CFAP221: variants seen among roughly 807,000 people sequenced by gnomAD.
CFAP221 encodes cilia and flagella associated protein 221, also known as cilia- and flagella-associated protein 221.
CFAP221 carries 97 observed loss-of-function variants against 113.1 expected under a neutral mutation model. The ratio of observed to expected loss-of-function variants is 0.86; its 90% CI spans 0.73 to 1.02. CFAP221 has a LOEUF of 1.02. Among genes scored for constraint, CFAP221 ranks in the 50% least tolerant of loss-of-function variants. The pLI is 0.00. For synonymous variants in CFAP221, 331 were observed against 354.4 expected (o/e 0.93, Z 0.74); for missense variants, 1,025 against 1,013.4 (o/e 1.01, Z -0.16).
At chr2:119,657,888 T>C (rs1368387666), downstream of CFAP221, among the ~76,000 whole-genome samples, 1 of 152,242 alleles carries the variant, frequency 6.6e-6, no homozygotes, top group Non-Finnish European at 1.5e-5. Flanking sequence ...TATGTCCTTC[T>C]TGGTGCATCT....
intron 22 of CFAP221, chr2:119,648,546 T>C: frequency 5.0e-6 from 1 of 198,694 alleles, no homozygotes; most frequent in Non-Finnish European, 1.2e-5. Flanking sequence ...TTAGGAAGAC[T>C]CTTGGTCCCA....
At chr2:119,649,765 G>A (rs184137706) in intron 22 of CFAP221, among the ~76,000 whole-genome samples, 1 of 152,274 alleles carries the variant, frequency 6.6e-6, no homozygotes, top group Admixed American at 6.5e-5. Context: ...CAAGGACACA[G>A]CCCTGTTGTT....
intron 21 of CFAP221, among the ~76,000 whole-genome samples, chr2:119,646,390 C>T (rs543091767): frequency 6.6e-6 from 1 of 152,134 alleles, no homozygotes; most frequent in Non-Finnish European, 1.5e-5. Context: ...ACAATCATGG[C>T]GGAAGGCAAA....
intron 3 of CFAP221, among the ~76,000 whole-genome samples, chr2:119,559,473 A>T (rs973747940): frequency 6.6e-6 from 1 of 151,902 alleles, no homozygotes; most frequent in East Asian, 1.9e-4. Context: ...CCTAAGGGGG[A>T]AAGTGGGGAC....
intron 12 of CFAP221, 119 bp downstream of exon 12, chr2:119,608,708 C>A: frequency 1.3e-6 from 1 of 797,628 alleles, no homozygotes. Flanking sequence ...GAAAGGCTGA[C>A]GACAAGTAAA....
intron 6 of CFAP221, among the ~76,000 whole-genome samples, chr2:119,584,023 GA>G (rs1310486025): frequency 1.3e-5 from 2 of 152,028 alleles, no homozygotes; most frequent in East Asian, 3.8e-4. Context: ...AACACCTAGG[GA>G]AAAACTTAAC....
intron 21 of CFAP221, 28 bp downstream of exon 21, chr2:119,639,900 G>A (rs1475682317): frequency 7.0e-6 from 11 of 1,564,262 alleles, no homozygotes; most frequent in East Asian, 2.2e-5. Flanking sequence ...GTTTGCTCAC[G>A]AGTATGTGTG....
chr2:119,579,080 G>T (rs6725558), intron 6 of CFAP221, among the ~76,000 whole-genome samples: 28,631 of 151,882 alleles, frequency 0.19, 2,880 homozygotes, highest in African/African-American at 0.25. Context: ...TCAAATAAGG[G>T]ATAATTATTT....
chr2:119,649,361 G>T (rs1158134248), intron 22 of CFAP221, among the ~76,000 whole-genome samples: 7 of 152,150 alleles, frequency 4.6e-5, no homozygotes, highest in African/African-American at 1.7e-4. Flanking sequence ...TTCAACTCAC[G>T]ATATTTACAA....
downstream of CFAP221, among the ~76,000 whole-genome samples, chr2:119,659,061 T>C (rs2104830673): frequency 1.3e-5 from 2 of 151,506 alleles, 1 homozygote; most frequent in East Asian, 3.9e-4. Flanking sequence ...GTCCAACACC[T>C]GGGGTTTGTT....
intron 19 of CFAP221, among the ~76,000 whole-genome samples, chr2:119,632,701 CAA>C (rs34915791): frequency 2.2e-3 from 244 of 109,620 alleles, no homozygotes; most frequent in African/African-American, 2.7e-3. Flanking sequence ...TCTTTATTTA[CAA>C]AAAAAAAAAA....
chr2:119,564,774 T>C (rs548604896), intron 6 of CFAP221, among the ~76,000 whole-genome samples: 1 of 152,234 alleles, frequency 6.6e-6, no homozygotes, highest in Admixed American at 6.5e-5. Flanking sequence ...CCACTGCTGA[T>C]GGACCGATGG....
chr2:119,638,708 C>T (rs1687275111), intron 20 of CFAP221, among the ~76,000 whole-genome samples: 1 of 152,164 alleles, frequency 6.6e-6, no homozygotes, highest in Non-Finnish European at 1.5e-5. Context: ...CATGTAAAAA[C>T]AGCCACACGG....
intron 6 of CFAP221, among the ~76,000 whole-genome samples, chr2:119,585,121 G>C (rs13403341): frequency 0.25 from 38,460 of 152,044 alleles, 5,959 homozygotes; most frequent in African/African-American, 0.44. Context: ...AATGCACAGA[G>C]CTTTACATAT....
At chr2:119,547,360 G>T (rs1680121199) in intron 2 of CFAP221, among the ~76,000 whole-genome samples, 1 of 152,132 alleles carries the variant, frequency 6.6e-6, no homozygotes, top group Non-Finnish European at 1.5e-5. Context: ...AGGAGTTTGA[G>T]ACCAGCCTGA....
intron 19 of CFAP221, among the ~76,000 whole-genome samples, chr2:119,633,094 G>T (rs532577785): frequency 6.6e-6 from 1 of 152,154 alleles, no homozygotes; most frequent in East Asian, 1.9e-4. Context: ...AAAGGTCAGA[G>T]GTAATTCATT....
intron 22 of CFAP221, 85 bp from the exon 23 acceptor site, chr2:119,651,889 A>G (rs1487636539): frequency 4.8e-6 from 5 of 1,040,228 alleles, no homozygotes; most frequent in Non-Finnish European, 5.5e-6. Flanking sequence ...GAATTGCATA[A>G]CTCCTAAATG....
chr2:119,638,454 T>C (rs1430865217), intron 20 of CFAP221, 37 bp downstream of exon 20: 2 of 1,612,146 alleles, frequency 1.2e-6, no homozygotes, highest in African/African-American at 2.7e-5. Flanking sequence ...AGAGTGACCC[T>C]GGGCTGCAGG....
intron 12 of CFAP221, among the ~76,000 whole-genome samples, chr2:119,610,060 C>T (rs1030624418): frequency 6.6e-6 from 1 of 152,198 alleles, no homozygotes; most frequent in Non-Finnish European, 1.5e-5. Flanking sequence ...CAAGTATTGT[C>T]TGTCAACCCA....
Sources: allele counts gnomAD v4.1 joint callset (sites outside exome capture counted in the v4.1 genomes callset), GRCh38; gene constraint gnomAD v4.1.1; transcripts MANE v1.5; gene names NCBI Gene and HGNC (gene_info 2026-07-23, HGNC 2026-07-21).